SLC30A8: variants seen among roughly 807,000 people sequenced by gnomAD.
SLC30A8 encodes solute carrier family 30 member 8.
In SLC30A8, 27 loss-of-function variants were observed where a neutral mutation model predicts 36.9. The ratio of observed to expected loss-of-function variants is 0.73; its 90% CI spans 0.54 to 1.01. The LOEUF is 1.01. Among genes scored for constraint, SLC30A8 ranks in the 50% least tolerant of loss-of-function variants. SLC30A8 has a pLI of 0.00. For missense variants in SLC30A8, 439 were observed against 452.0 expected, an observed-to-expected ratio of 0.97 and a Z score of 0.26; for synonymous variants, 164 against 172.4, an observed-to-expected ratio of 0.95 and a Z score of 0.38.
At chr8:117,138,071 AAAAAAAAAAG>A (rs1821447169) in intron 1 of SLC30A8, among the ~76,000 whole-genome samples, 1 of 150,722 alleles carries the variant, frequency 6.6e-6, no homozygotes, top group Admixed American at 6.6e-5. Context: ...AAAAAAAAAA[AAAAAAAAAAG>A]AAAAAGAAAA....
chr8:117,070,943 G>T (rs1172413776), intron 2 of SLC30A8, among the ~76,000 whole-genome samples: 4 of 151,984 alleles, frequency 2.6e-5, no homozygotes, highest in African/African-American at 7.3e-5. Flanking sequence ...ATCATTTCAG[G>T]TGTTGATGGA....
At chr8:117,153,598 G>A (rs563043331) in intron 3 of SLC30A8, among the ~76,000 whole-genome samples, 4 of 152,092 alleles carry the variant, frequency 2.6e-5, no homozygotes, top group African/African-American at 9.6e-5. Context: ...CAACAATAAT[G>A]CAAAAAAGGA....
intron 1 of SLC30A8, among the ~76,000 whole-genome samples, chr8:116,973,462 C>A (rs1181781390): frequency 6.6e-6 from 1 of 152,128 alleles, no homozygotes; most frequent in Non-Finnish European, 1.5e-5. Context: ...AATAAAATAC[C>A]TAGGAATCCA....
At chr8:117,157,012 T>C (rs1822524921) in intron 3 of SLC30A8, among the ~76,000 whole-genome samples, 1 of 152,226 alleles carries the variant, frequency 6.6e-6, no homozygotes, top group African/African-American at 2.4e-5. Context: ...GAGTGAGGTG[T>C]TAACTCCTAA....
chr8:117,118,056 G>C (rs1453344697), intron 2 of SLC30A8, among the ~76,000 whole-genome samples: 1 of 151,444 alleles, frequency 6.6e-6, no homozygotes, highest in Non-Finnish European at 1.5e-5. Context: ...TTTGTTAGAA[G>C]TCACCAAAAT....
chr8:116,989,065 G>T lies in SLC30A8; in HGVS notation c.-266+37946G>T, dbSNP rs146826684. Among the ~76,000 whole-genome samples the T allele has an allele frequency of 4.4e-4, 67 of 152,130 alleles. 1 individual carries two copies. The highest frequency in any genetic ancestry group is 1.6e-3 in the African/African-American group (66 of 41,422). The stretch of plus-strand genomic sequence containing the variant: ...TGAATACATAAGAAGAGATAAATAG[G>T]CAGGATCACATTTATTGATTTCTTA... On this transcript the variant is annotated intron_variant, in intron 1 of 10. Coordinates refer to the SLC30A8 transcript ENST00000427715.
intron 2 of SLC30A8, among the ~76,000 whole-genome samples, chr8:117,095,398 TGTTAGTA>T (rs1469856944): frequency 6.6e-6 from 1 of 152,122 alleles, no homozygotes. Context: ...TAGTAACTAG[TGTTAGTA>T]GTTAGTGTTA....
chr8:117,048,922 A>G (rs563378258), intron 2 of SLC30A8, among the ~76,000 whole-genome samples: 104 of 152,348 alleles, frequency 6.8e-4, no homozygotes, highest in African/African-American at 2.4e-3. Context: ...AGAGAAATGT[A>G]TCTTGATTTA....
chr8:117,090,338 T>G (rs1006740253), intron 2 of SLC30A8, among the ~76,000 whole-genome samples: 1 of 151,270 alleles, frequency 6.6e-6, no homozygotes, highest in African/African-American at 2.4e-5. Context: ...ACTCATTCAT[T>G]TGTGCATTTA....
At chr8:117,035,671 A>G (rs984358718) in intron 1 of SLC30A8, among the ~76,000 whole-genome samples, 1 of 152,246 alleles carries the variant, frequency 6.6e-6, no homozygotes, top group African/African-American at 2.4e-5. Context: ...ACACTGCCCT[A>G]GCAGAGGTTC....
At chr8:117,033,380 A>C (rs1817115422) in intron 1 of SLC30A8, among the ~76,000 whole-genome samples, 1 of 152,252 alleles carries the variant, frequency 6.6e-6, no homozygotes, top group Non-Finnish European at 1.5e-5. Context: ...GTGTGGAATT[A>C]TACTGTATGA....
At chr8:117,063,092 T>G (rs1010995268) in intron 2 of SLC30A8, among the ~76,000 whole-genome samples, 7 of 152,172 alleles carry the variant, frequency 4.6e-5, no homozygotes, top group African/African-American at 1.4e-4. Flanking sequence ...CAAGCCAGAA[T>G]GTAATCAGCG....
intron 2 of SLC30A8, among the ~76,000 whole-genome samples, chr8:117,112,603 T>G (rs1023913539): frequency 6.6e-6 from 1 of 152,106 alleles, no homozygotes; most frequent in Admixed American, 6.6e-5. Flanking sequence ...AGATGCTGAA[T>G]TTTGTTTACT....
At chr8:117,039,179 C>T (rs1203488001) in intron 1 of SLC30A8, 1 of 152,184 alleles carries the variant, frequency 6.6e-6, no homozygotes, top group Non-Finnish European at 1.5e-5. Flanking sequence ...ATGTATTTTC[C>T]ACCTTCAGTT....
intron 1 of SLC30A8, among the ~76,000 whole-genome samples, chr8:117,032,329 G>A (rs1056740823): frequency 3.9e-5 from 6 of 152,130 alleles, no homozygotes; most frequent in Admixed American, 3.9e-4. Flanking sequence ...ATCATGTTCT[G>A]TAATCAGTTC....
chr8:117,085,264 A>G (rs114851498), intron 2 of SLC30A8, among the ~76,000 whole-genome samples: 5,006 of 152,248 alleles, frequency 0.033, 191 homozygotes, highest in African/African-American at 0.097. Flanking sequence ...TAGTTCTCTT[A>G]AGATCATACC....
intron 3 of SLC30A8, among the ~76,000 whole-genome samples, chr8:117,155,360 G>C (rs1188013103): frequency 6.6e-6 from 1 of 152,130 alleles, no homozygotes. Context: ...TCATGGATAG[G>C]AAGCACACTA....
chr8:117,145,928 G>A (rs1422592778), intron 1 of SLC30A8, among the ~76,000 whole-genome samples: 1 of 152,154 alleles, frequency 6.6e-6, no homozygotes, highest in African/African-American at 2.4e-5. Context: ...CTCTCGTGAA[G>A]ATAAGAGAGT....
rs1453805680 is a variant in SLC30A8, at chr8:116,965,970, G to A, written c.-266+14851G>A. On this transcript the variant is annotated intron_variant, in intron 1 of 10. Transcript: ENST00000427715. ...GTGATCTCAGCTCACTGCAACCTCT[G>A]CCTCCTGGGTTCCAGCAATTCTCCT... Among the ~76,000 whole-genome samples the A allele has an allele frequency of 6.7e-5, 10 of 148,488 alleles. 1 individual carries two copies. The Admixed American group carries it at 6.8e-4, about 10-fold the overall frequency.
Sources: allele counts gnomAD v4.1 joint callset (sites outside exome capture counted in the v4.1 genomes callset), GRCh38; gene constraint gnomAD v4.1.1; transcripts MANE v1.5; gene names NCBI Gene and HGNC (gene_info 2026-07-23, HGNC 2026-07-21).